Variants in LHFPL3 observed in about 807,000 individuals in gnomAD.
LHFPL3 encodes LHFPL tetraspan subfamily member 3, also known as LHFPL tetraspan subfamily member 3 protein.
In LHFPL3, 5 loss-of-function variants were observed where a neutral mutation model predicts 19.3. The observed-to-expected ratio is 0.26, with a 90% CI of 0.14 to 0.54. The LOEUF (loss-of-function observed/expected upper bound fraction) is 0.54, where lower values mean the gene tolerates loss of function less well. LHFPL3 is among the 20% of genes least tolerant of loss of function. The pLI is 0.94. For synonymous variants in LHFPL3, 133 were observed against 126.2 expected (o/e 1.05, Z -0.36); for missense variants, 249 against 307.4 (o/e 0.81, Z 1.42).
Position 104,407,891 on chromosome 7 carries a change from C to T in LHFPL3, c.445+78667C>T, listed in dbSNP as rs1040402529. 2.0e-5 allele frequency among the ~76,000 whole-genome samples: 3 copies of T among 152,276 alleles called. No homozygotes were observed. The East Asian group carries it at 5.8e-4, about 29-fold the overall frequency. On this transcript the variant is annotated intron_variant, in intron 1 of 2. Transcript: ENST00000424859. ...TAAAAGCTGAACAATTAGTAAGTGG[C>T]ATAGTCTGGATTTGAACCCATGAAT...
chr7:104,580,483 A>G (rs188949407), intron 1 of LHFPL3, among the ~76,000 whole-genome samples: 284 of 152,222 alleles, frequency 1.9e-3, no homozygotes, highest in African/African-American at 5.7e-3. Context: ...TATTTTTTAT[A>G]TATTCCAAAA....
rs543354791 is a variant in LHFPL3, at chr7:104,828,793, G to C, written c.683-77394G>C. ...CTCACGCCTGTAACCCCAGCACTTT[G>C]GGAGGCCAAGGCAGGTGGATCACTT... On this transcript the variant is annotated intron_variant, in intron 2 of 2. Transcript: ENST00000424859. Among the ~76,000 whole-genome samples, 23 of 151,864 alleles carry C rather than the reference G, an allele frequency of 1.5e-4. 1 individual carries two copies. Among genetic ancestry groups the C allele is most frequent in the Non-Finnish European group, 2.4e-4 (16 of 68,012 alleles).
At chr7:104,802,328 C>T (rs1032939840) in intron 2 of LHFPL3, among the ~76,000 whole-genome samples, 1 of 151,746 alleles carries the variant, frequency 6.6e-6, no homozygotes, top group African/African-American at 2.4e-5. Flanking sequence ...AACCCTGCCT[C>T]TACAAAAAGT....
intron 1 of LHFPL3, among the ~76,000 whole-genome samples, chr7:104,491,712 A>G (rs1793356182): frequency 6.6e-6 from 1 of 152,222 alleles, no homozygotes; most frequent in Admixed American, 6.5e-5. Flanking sequence ...AGCAATGTGC[A>G]CAGAATTATA....
chr7:104,607,065 G>T (rs1562948504), intron 1 of LHFPL3, among the ~76,000 whole-genome samples: 1 of 152,200 alleles, frequency 6.6e-6, no homozygotes, highest in African/African-American at 2.4e-5. Context: ...GAGCAGTAAG[G>T]GATAATAGAA....
intron 1 of LHFPL3, among the ~76,000 whole-genome samples, chr7:104,728,999 T>C (rs1171287529): frequency 6.6e-6 from 1 of 152,222 alleles, no homozygotes; most frequent in Non-Finnish European, 1.5e-5. Flanking sequence ...ACTTTTCTTT[T>C]TTAATTTTCA....
intron 1 of LHFPL3, among the ~76,000 whole-genome samples, chr7:104,396,047 G>A (rs1329275592): frequency 6.6e-6 from 1 of 152,182 alleles, no homozygotes; most frequent in Non-Finnish European, 1.5e-5. Flanking sequence ...CACCCAGACA[G>A]CTCCTCTTCA....
chr7:104,329,346 A>G, intron 1 of LHFPL3, 122 bp downstream of exon 1: 1 of 1,296,170 alleles, frequency 7.7e-7, no homozygotes, highest in Non-Finnish European at 1.0e-6. Flanking sequence ...TAATCCGCTC[A>G]GGCGTCGAGG....
intron 1 of LHFPL3, among the ~76,000 whole-genome samples, chr7:104,708,422 G>C (rs923087895): frequency 6.6e-6 from 1 of 152,106 alleles, no homozygotes; most frequent in Non-Finnish European, 1.5e-5. Context: ...TCTTATTGTA[G>C]TACAGCAGAG....
At position 104,433,555 on chromosome 7, in the gene LHFPL3, A is replaced by G. The variant is rs989442044; in HGVS notation, c.445+104331A>G. Among the ~76,000 whole-genome samples, 5 of 152,056 alleles carry G rather than the reference A, an allele frequency of 3.3e-5. No individual in the cohort carries two copies. The East Asian group carries it at 7.7e-4, about 23-fold the overall frequency. On this transcript the variant is annotated intron_variant, in intron 1 of 2. Coordinates refer to ENST00000424859, the MANE Select transcript of LHFPL3 (RefSeq NM_199000.3). ...TGTCTCTGCCCATCTCTCCAGACTC[A>G]TTTCCTGTAATGTCTTCTTTGAACT... is the stretch of plus-strand genomic sequence containing the variant.
chr7:104,651,716 A>G (rs1792037018), intron 1 of LHFPL3, among the ~76,000 whole-genome samples: 2 of 152,182 alleles, frequency 1.3e-5, no homozygotes, highest in South Asian at 4.1e-4. Context: ...TGGCACTTCT[A>G]TGCCTCCAGC....
At chr7:104,825,141 A>G in intron 2 of LHFPL3, among the ~76,000 whole-genome samples, 1 of 151,352 alleles carries the variant, frequency 6.6e-6, no homozygotes, top group Non-Finnish European at 1.5e-5. Flanking sequence ...GTTAAAAATA[A>G]TAATAATAAA....
chr7:104,433,402 G>T (rs900286464), intron 1 of LHFPL3, among the ~76,000 whole-genome samples: 1 of 152,180 alleles, frequency 6.6e-6, no homozygotes, highest in South Asian at 2.1e-4. Context: ...TCCACTTTGA[G>T]AATTACTGCT....
chr7:104,440,258 T>G (rs1294473534), intron 1 of LHFPL3, among the ~76,000 whole-genome samples: 1 of 152,082 alleles, frequency 6.6e-6, no homozygotes, highest in African/African-American at 2.4e-5. Context: ...TTCATGTCCT[T>G]TGTAGGGACA....
At chr7:104,902,914 G>A (rs1009298444) in intron 2 of LHFPL3, among the ~76,000 whole-genome samples, 14 of 152,214 alleles carry the variant, frequency 9.2e-5, no homozygotes, top group Admixed American at 2.6e-4. Flanking sequence ...GTTAGGGTCA[G>A]GCCCCAGGCT....
chr7:104,591,121 A>T (rs919366899), intron 1 of LHFPL3, among the ~76,000 whole-genome samples: 5 of 152,066 alleles, frequency 3.3e-5, no homozygotes, highest in African/African-American at 7.2e-5. Context: ...ACATTTAAGG[A>T]TAATATTATT....
chr7:104,887,680 G>C (rs527290491), intron 2 of LHFPL3, among the ~76,000 whole-genome samples: 1 of 152,356 alleles, frequency 6.6e-6, no homozygotes, highest in African/African-American at 2.4e-5. Flanking sequence ...TAAAGCCTAA[G>C]GGGAAAGTGG....
At chr7:104,743,818 G>C (rs988168701) in intron 2 of LHFPL3, among the ~76,000 whole-genome samples, 3 of 152,054 alleles carry the variant, frequency 2.0e-5, no homozygotes, top group Non-Finnish European at 1.5e-5. Context: ...GTTTTACACA[G>C]TATCATGTAA....
At chr7:104,374,734 G>A (rs1315813947) in intron 1 of LHFPL3, among the ~76,000 whole-genome samples, 1 of 152,170 alleles carries the variant, frequency 6.6e-6, no homozygotes, top group Admixed American at 6.5e-5. Flanking sequence ...GGCATCAAAG[G>A]GACCAATGTT....
Sources: allele counts gnomAD v4.1 joint callset (sites outside exome capture counted in the v4.1 genomes callset), GRCh38; gene constraint gnomAD v4.1.1; transcripts MANE v1.5; gene names NCBI Gene and HGNC (gene_info 2026-07-23, HGNC 2026-07-21).